The following RAD51B variants were observed in gnomAD, a reference collection of about 807,000 sequenced individuals.
RAD51B encodes the protein DNA repair protein RAD51 homolog 2.
In RAD51B, 38 loss-of-function variants were observed where a neutral mutation model predicts 42.2. The observed-to-expected ratio is 0.90, with a 90% confidence interval of 0.70 to 1.18. The LOEUF is 1.18. Ranked by LOEUF, RAD51B falls within the 50% of genes most tolerant of loss-of-function variation. The pLI is 0.00. For missense variants in RAD51B, 373 were observed against 400.7 expected (o/e 0.93, Z 0.59); for synonymous variants, 154 against 145.2 (o/e 1.06, Z -0.43).
At chr14:68,185,834 G>T (rs1361216706) in intron 7 of RAD51B, among the ~76,000 whole-genome samples, 1 of 152,160 alleles carries the variant, frequency 6.6e-6, no homozygotes, top group Admixed American at 6.5e-5. Flanking sequence ...AGGAGGTGAA[G>T]TTCACCTCCT....
At chr14:68,304,332 CAAAG>C (rs1379032902) in intron 8 of RAD51B, among the ~76,000 whole-genome samples, 1 of 152,156 alleles carries the variant, frequency 6.6e-6, no homozygotes, top group South Asian at 2.1e-4. Context: ...AATTTAGAAA[CAAAG>C]AAACTGAAGT....
chr14:68,030,719 A>G (rs933427295), intron 7 of RAD51B, among the ~76,000 whole-genome samples: 1 of 152,140 alleles, frequency 6.6e-6, no homozygotes, highest in East Asian at 1.9e-4. Context: ...AGAACTTTTC[A>G]TTTGCATTCA....
In RAD51B at chr14:68,227,583, A is replaced by G. The variant is rs151044496; in HGVS notation, c.757-64301A>G. Among the ~76,000 whole-genome samples the G allele has an allele frequency of 3.4e-3, 521 of 152,270 alleles. 5 individuals are homozygous for G. The highest frequency in any genetic ancestry group is 0.011 in the African/African-American group (468 of 41,554). ...TTAGCAATTTATATTAATATTTCCA[A>G]TGTAGCGATAATACTGTCCTCCTCA... On this transcript the variant is annotated intron_variant, in intron 7 of 10. Transcript: ENST00000471583.
intron 7 of RAD51B, among the ~76,000 whole-genome samples, chr14:68,180,971 G>A (rs2079051774): frequency 1.3e-5 from 2 of 152,184 alleles, no homozygotes; most frequent in Non-Finnish European, 2.9e-5. Flanking sequence ...GTGAGGGAAG[G>A]GAAGCAACAG....
At chr14:68,647,966 T>A (rs1892595248) in intron 10 of RAD51B, among the ~76,000 whole-genome samples, 1 of 148,992 alleles carries the variant, frequency 6.7e-6, no homozygotes, top group South Asian at 2.1e-4. Flanking sequence ...CATGAGCCAC[T>A]GCACCCAGCC....
At chr14:68,134,956 A>G (rs1168288847) in intron 7 of RAD51B, among the ~76,000 whole-genome samples, 2 of 152,144 alleles carry the variant, frequency 1.3e-5, no homozygotes, top group Non-Finnish European at 2.9e-5. Flanking sequence ...TGTTATTTTT[A>G]TGATTAATAT....
At chr14:67,947,389 A>G (rs1457203408) in intron 7 of RAD51B, among the ~76,000 whole-genome samples, 1 of 152,226 alleles carries the variant, frequency 6.6e-6, no homozygotes, top group African/African-American at 2.4e-5. Flanking sequence ...TGAGAAAAAT[A>G]TAATGATGGC....
At chr14:68,670,391 T>C (rs1367400330) in intron 11 of RAD51B, among the ~76,000 whole-genome samples, 1 of 152,222 alleles carries the variant, frequency 6.6e-6, no homozygotes, top group Non-Finnish European at 1.5e-5. Flanking sequence ...GTTCAGCTGG[T>C]GGGACTAAGT....
intron 7 of RAD51B, among the ~76,000 whole-genome samples, chr14:68,094,057 G>T (rs1438127222): frequency 6.6e-6 from 1 of 152,098 alleles, no homozygotes; most frequent in Non-Finnish European, 1.5e-5. Context: ...GTGTAAAGTG[G>T]TATTTAATTT....
intron 5 of RAD51B, among the ~76,000 whole-genome samples, chr14:67,878,656 A>G (rs552275329): frequency 1.2e-4 from 19 of 152,196 alleles, no homozygotes; most frequent in Admixed American, 1.1e-3. Context: ...ATATTTAACT[A>G]TTATCTATTA....
At chr14:68,474,870 A>G (rs1280223583) in intron 10 of RAD51B, among the ~76,000 whole-genome samples, 1 of 152,268 alleles carries the variant, frequency 6.6e-6, no homozygotes, top group African/African-American at 2.4e-5. Context: ...TAACAGTGGT[A>G]TACATGATAG....
chr14:68,256,395 T>C (rs1224853220), intron 7 of RAD51B, among the ~76,000 whole-genome samples: 1 of 152,182 alleles, frequency 6.6e-6, no homozygotes, highest in Non-Finnish European at 1.5e-5. Flanking sequence ...TACTGGAAAG[T>C]CCATTAAAGG....
At chr14:68,362,276 T>C (rs1261283618) in intron 8 of RAD51B, among the ~76,000 whole-genome samples, 1 of 152,222 alleles carries the variant, frequency 6.6e-6, no homozygotes, top group Non-Finnish European at 1.5e-5. Flanking sequence ...CTAAAATTCC[T>C]AAAAGAGAGT....
At chr14:68,101,221 G>A (rs988625453) in intron 7 of RAD51B, among the ~76,000 whole-genome samples, 3 of 152,118 alleles carry the variant, frequency 2.0e-5, no homozygotes, top group Admixed American at 6.6e-5. Flanking sequence ...GTAAGATTTG[G>A]GTGGGGCACG....
rs79740101 is a variant in RAD51B, at chr14:68,353,924, A to G, written c.854-57500A>G. On this transcript the variant is annotated intron_variant, in intron 8 of 10. Coordinates refer to ENST00000471583, the MANE Select transcript of RAD51B (RefSeq NM_133510.4). ...AACTGTGTGGGGTACCCTCAAGCCCATGGGTCTCTAGGGGTTGTGCCTAAG... is the reference window on the plus strand; with the variant it reads ...AACTGTGTGGGGTACCCTCAAGCCCGTGGGTCTCTAGGGGTTGTGCCTAAG... Among the ~76,000 whole-genome samples the G allele has an allele frequency of 3.1e-3, 472 of 152,318 alleles. 1 individual carries two copies. Among genetic ancestry groups the G allele is most frequent in the African/African-American group, 0.011 (452 of 41,578 alleles).
intron 9 of RAD51B, among the ~76,000 whole-genome samples, chr14:68,415,500 A>G (rs1331347917): frequency 6.6e-6 from 1 of 152,196 alleles, no homozygotes; most frequent in Non-Finnish European, 1.5e-5. Flanking sequence ...GATGGTTGAT[A>G]CCCTCTGGTT....
chr14:68,482,199 A>ATG (rs1166016789), downstream of RAD51B, among the ~76,000 whole-genome samples: 445 of 78,304 alleles, frequency 5.7e-3, 2 homozygotes, highest in African/African-American at 0.025. Flanking sequence ...GTGTGTGTGT[A>ATG]TGTGTGTGTG....
intron 7 of RAD51B, among the ~76,000 whole-genome samples, chr14:67,913,741 C>A (rs2044062759): frequency 6.6e-6 from 1 of 152,050 alleles, no homozygotes; most frequent in African/African-American, 2.4e-5. Context: ...GTAATAATCA[C>A]ATCAAGGTAA....
chr14:68,547,365 A>G (rs1034990734), intron 10 of RAD51B, among the ~76,000 whole-genome samples: 3 of 151,964 alleles, frequency 2.0e-5, no homozygotes, highest in African/African-American at 7.3e-5. Flanking sequence ...GTTACCTTTC[A>G]CTTCCTGTCG....
Sources: allele counts gnomAD v4.1 joint callset (sites outside exome capture counted in the v4.1 genomes callset), GRCh38; gene constraint gnomAD v4.1.1; transcripts MANE v1.5; gene names NCBI Gene and HGNC (gene_info 2026-07-23, HGNC 2026-07-21).